LRRIQ1: variants seen among roughly 807,000 people sequenced by gnomAD.
The protein encoded by LRRIQ1 is leucine-rich repeat- and IQ domain-containing protein 1.
LRRIQ1 carries 210 observed loss-of-function variants against 211.9 expected under a neutral mutation model. The observed-to-expected ratio is 0.99, with a 90% CI of 0.89 to 1.11. LRRIQ1 has a LOEUF of 1.11. LRRIQ1 is among the 50% of genes most tolerant of loss of function. The pLI, the probability that LRRIQ1 is intolerant of heterozygous loss-of-function variation, is 0.00. For missense variants in LRRIQ1, 2,136 were observed against 1,939.5 expected (o/e 1.10, Z -1.90); for synonymous variants, 699 against 650.1 (o/e 1.08, Z -1.14).
At chr12:85,184,972 G>A (rs73165916) in intron 24 of LRRIQ1, among the ~76,000 whole-genome samples, 1,625 of 151,934 alleles carry the variant, frequency 0.011, 22 homozygotes, top group Non-Finnish European at 0.017. Context: ...GTAAGCTAAG[G>A]TTTACACTTT....
At chr12:85,045,579 T>C (rs190478954) in intron 4 of LRRIQ1, among the ~76,000 whole-genome samples, 1 of 152,088 alleles carries the variant, frequency 6.6e-6, no homozygotes, top group Non-Finnish European at 1.5e-5. Flanking sequence ...TGGAAAATAA[T>C]TGATATAAAT....
chr12:85,056,006 TATA>T lies in LRRIQ1; in HGVS notation c.1218_1220del (p.Asn407del). The T allele has an allele frequency of 6.2e-7, 1 of 1,607,888 alleles. No individual in the cohort carries two copies. Among genetic ancestry groups the T allele is most frequent in the Non-Finnish European group, 8.5e-7 (1 of 1,177,958 alleles). On this transcript the variant is annotated inframe_deletion, in exon 8 of 27. Transcript: ENST00000393217. The stretch of plus-strand genomic sequence containing the variant: ...AAGTAGTGCATTAAAGAAGAGCGGA[TATA>T]ATAACAAACATTTAAGTCTTGAAGA...
intron 9 of LRRIQ1, among the ~76,000 whole-genome samples, chr12:85,066,414 TAAC>T (rs1882435086): frequency 6.6e-6 from 1 of 151,874 alleles, no homozygotes; most frequent in Non-Finnish European, 1.5e-5. Context: ...AGGGCCTGAT[TAAC>T]AACAATAGCC....
chr12:85,180,060 T>A (rs887725619), intron 24 of LRRIQ1, among the ~76,000 whole-genome samples: 1 of 151,992 alleles, frequency 6.6e-6, no homozygotes, highest in Non-Finnish European at 1.5e-5. Flanking sequence ...CAATTGCTAT[T>A]ACTCAAAGTC....
At chr12:85,138,413 T>C (rs1256228880) in intron 19 of LRRIQ1, among the ~76,000 whole-genome samples, 1 of 151,608 alleles carries the variant, frequency 6.6e-6, no homozygotes, top group Non-Finnish European at 1.5e-5. Context: ...TTAATACTTT[T>C]AAAGACTACT....
chr12:85,217,506 ATATGTGTGTGTGTG>A (rs1258240411), intron 24 of LRRIQ1, among the ~76,000 whole-genome samples: 73 of 69,818 alleles, frequency 1.0e-3, no homozygotes, highest in African/African-American at 6.8e-3. Context: ...ATATATATAT[ATATGTGTGTGTGTG>A]TGTGTGTGTG....
chr12:85,247,125 A>G (rs1895747889), downstream of LRRIQ1, among the ~76,000 whole-genome samples: 1 of 151,612 alleles, frequency 6.6e-6, no homozygotes, highest in African/African-American at 2.4e-5. Flanking sequence ...ATCTAGGCAC[A>G]TGATCTAATT....
chr12:85,238,232 A>T (rs1433032169), intron 26 of LRRIQ1, among the ~76,000 whole-genome samples: 4 of 152,068 alleles, frequency 2.6e-5, no homozygotes, highest in African/African-American at 9.7e-5. Context: ...GAGAGAAAAA[A>T]TAACTTAAAA....
At chr12:85,239,811 C>T (rs1286211043) in intron 26 of LRRIQ1, among the ~76,000 whole-genome samples, 4 of 151,790 alleles carry the variant, frequency 2.6e-5, no homozygotes, top group Admixed American at 2.0e-4. Context: ...AACTCCATCT[C>T]TATCAAAAAT....
chr12:85,076,368 G>A (rs1341556074), intron 11 of LRRIQ1, among the ~76,000 whole-genome samples: 2 of 151,808 alleles, frequency 1.3e-5, no homozygotes, highest in Non-Finnish European at 2.9e-5. Flanking sequence ...ACATGTAAGA[G>A]TAAATGATCA....
chr12:85,221,502 T>G (rs904919316), intron 24 of LRRIQ1, among the ~76,000 whole-genome samples: 4 of 152,148 alleles, frequency 2.6e-5, no homozygotes, highest in African/African-American at 9.7e-5. Flanking sequence ...TCATGGGGTA[T>G]CTATACAGTT....
At chr12:85,037,219 C>T (rs936721963) in intron 1 of LRRIQ1, among the ~76,000 whole-genome samples, 4 of 151,914 alleles carry the variant, frequency 2.6e-5, no homozygotes, top group African/African-American at 9.7e-5. Flanking sequence ...TTTAAACTTG[C>T]GTAAGTGCTC....
At chr12:85,172,926 G>T (rs1891489229) in intron 24 of LRRIQ1, among the ~76,000 whole-genome samples, 1 of 151,922 alleles carries the variant, frequency 6.6e-6, no homozygotes, top group Middle Eastern at 3.4e-3. Flanking sequence ...GGTGAACATG[G>T]TGAAACCCCA....
intron 24 of LRRIQ1, among the ~76,000 whole-genome samples, chr12:85,180,878 A>G (rs2136881464): frequency 6.6e-6 from 1 of 151,716 alleles, no homozygotes; most frequent in East Asian, 1.9e-4. Flanking sequence ...GTGTTGGGGA[A>G]ATTTATTATT....
chr12:85,192,173 A>G (rs930732141), intron 24 of LRRIQ1, among the ~76,000 whole-genome samples: 1 of 151,046 alleles, frequency 6.6e-6, no homozygotes, highest in Non-Finnish European at 1.5e-5. Context: ...TTCACCCTCA[A>G]GTAGGCCCTG....
intron 23 of LRRIQ1, 144 bp from the exon 24 acceptor site, chr12:85,160,469 G>A (rs1448240417): frequency 2.0e-6 from 1 of 488,004 alleles, no homozygotes; most frequent in East Asian, 3.1e-5. Flanking sequence ...ATGTTATGAA[G>A]CTTAATATAA....
chr12:85,128,898 T>A (rs1888563649), intron 18 of LRRIQ1, among the ~76,000 whole-genome samples: 1 of 152,214 alleles, frequency 6.6e-6, no homozygotes, highest in Non-Finnish European at 1.5e-5. Context: ...TGGATGGATT[T>A]TCTGCTCAGT....
In LRRIQ1 at chr12:85,098,772, C is replaced by G. The variant is rs574524677; in HGVS notation, c.3082-95C>G. On this transcript the variant is annotated intron_variant, in intron 12 of 26. Transcript: ENST00000393217. ...TGATATGCACTTTATCAGAATCTAT[C>G]TGTTGTTAGTTTTGGAAGGTTGTGT... 1.1e-4 allele frequency: 102 copies of G among 899,322 alleles called. 2 individuals carry two copies. In the East Asian group the frequency reaches 2.8e-3, roughly 25 times the overall value. 55.7% of individuals were successfully genotyped at this position (899,322 alleles called of 1,614,324 possible). A position where few individuals can be genotyped will look rare whatever the true frequency, so the allele number is the denominator to read the frequency against.
Position 85,121,773 on chromosome 12 carries a change from A to T in LRRIQ1, c.3454A>T (p.Thr1152Ser). The T allele has an allele frequency of 1.9e-6, 3 of 1,610,338 alleles. No homozygotes were observed. Among genetic ancestry groups the T allele is most frequent in the Non-Finnish European group, 1.7e-6 (2 of 1,178,216 alleles). ...ACTAAACTCTAATTCAGAAAGCCGC[A>T]CTGAAGAACACAATCAACTGGGATC... is the stretch of plus-strand genomic sequence containing the variant. ...NILNSNSESR[T>S]EEHNQLGSAG... The change falls in exon 16 of 27, where the codon ACT becomes TCT. Residue 1152 changes from threonine to serine, a missense_variant. Transcript: ENST00000393217.
Sources: allele counts gnomAD v4.1 joint callset (sites outside exome capture counted in the v4.1 genomes callset), GRCh38; gene constraint gnomAD v4.1.1; transcripts MANE v1.5; gene names NCBI Gene and HGNC (gene_info 2026-07-23, HGNC 2026-07-21).